SLC22A25: variants seen among roughly 807,000 people sequenced by gnomAD.
SLC22A25 encodes the protein MGI:2442751, MGI:2385316, MGI:3042283, MGI:3645714, MGI:3605624, MGI:2442750.
A neutral mutation model predicts 45.9 loss-of-function variants in SLC22A25; 44 were observed. The observed-to-expected ratio is 0.96, with a 90% CI of 0.75 to 1.23. SLC22A25 has a LOEUF of 1.23. Among genes scored for constraint, SLC22A25 ranks in the 50% most tolerant of loss-of-function variants. The probability of loss-of-function intolerance (pLI) is 0.00; values close to 1 mark genes in which losing one functional copy is unlikely to be tolerated. For synonymous variants in SLC22A25, 283 were observed against 238.6 expected, an observed-to-expected ratio of 1.19 and a Z score of -1.72; for missense variants, 800 against 666.4, an observed-to-expected ratio of 1.20 and a Z score of -2.21.
intron 7 of SLC22A25, among the ~76,000 whole-genome samples, chr11:63,196,737 T>C (rs1351687012): frequency 3.3e-5 from 5 of 152,102 alleles, no homozygotes; most frequent in Non-Finnish European, 4.4e-5. Flanking sequence ...TTCAACACAG[T>C]GTTGGAAGTT....
At chr11:63,177,857 TATATATA>T (rs2088156737) in intron 9 of SLC22A25, among the ~76,000 whole-genome samples, 1 of 2,568 alleles carries the variant, frequency 3.9e-4, no homozygotes, top group African/African-American at 9.8e-4. Flanking sequence ...ATATAATGTA[TATATATA>T]ATATATATAA....
chr11:63,219,940 G>T (rs115563515), intron 5 of SLC22A25: 9 of 1,289,240 alleles, frequency 7.0e-6, no homozygotes, highest in Admixed American at 2.3e-5. Context: ...ACCAGAAGAC[G>T]TGATGCTGGT....
At position 63,191,882 on chromosome 11, in the gene SLC22A25, C is replaced by T. The variant is rs149862183; in HGVS notation, c.831-8065G>A. Among the ~76,000 whole-genome samples, 9 of 152,266 alleles carry T rather than the reference C, an allele frequency of 5.9e-5. No homozygotes were observed. In the East Asian group the frequency reaches 1.5e-3, roughly 26 times the overall value. On this transcript the variant is annotated intron_variant, in intron 7 of 11. Transcript: ENST00000306494. ...CTGAAAGGGATTGGAAGAATGGAAC[C>T]AACTTGGAGATCACATTTCAGGATA...
At chr11:63,228,668 A>C in intron 4 of SLC22A25, 104 bp from the exon 5 acceptor site, 1 of 815,280 alleles carries the variant, frequency 1.2e-6, no homozygotes, top group East Asian at 2.6e-5. Flanking sequence ...CTTCCTCCCT[A>C]GCTTCCCTTT....
rs1307776169 is a variant in SLC22A25, at chr11:63,162,922, T to C, written c.*902A>G. On this transcript the variant is annotated 3_prime_UTR_variant, in exon 12 of 12. Coordinates refer to ENST00000306494, the MANE Select transcript of SLC22A25 (RefSeq NM_199352.6). ...GGAATTCCTTAAAATTGTGTCACTT[T>C]GCTGCAGGTATCTTCCTGCCCTGCT... 6.6e-6 allele frequency among the ~76,000 whole-genome samples: 1 copy of C among 152,214 alleles called. No individual in the cohort carries two copies. The highest frequency in any genetic ancestry group is 1.5e-5 in the Non-Finnish European group (1 of 68,042).
intron 9 of SLC22A25, among the ~76,000 whole-genome samples, chr11:63,174,430 A>G (rs941879400): frequency 6.6e-6 from 1 of 152,024 alleles, no homozygotes; most frequent in Non-Finnish European, 1.5e-5. Context: ...AGTCTAAGCT[A>G]TTTTCCTGTG....
chr11:63,186,610 GT>G (rs1476622603), intron 7 of SLC22A25, among the ~76,000 whole-genome samples: 3 of 152,068 alleles, frequency 2.0e-5, no homozygotes, highest in Non-Finnish European at 4.4e-5. Flanking sequence ...TAGACATGAA[GT>G]CCTTGCCCAT....
At chr11:63,234,918 A>C (rs147323499) in intron 3 of SLC22A25, among the ~76,000 whole-genome samples, 4,114 of 152,250 alleles carry the variant, frequency 0.027, 193 homozygotes, top group African/African-American at 0.094. Context: ...GCTGGATATG[A>C]AATTCTGGGT....
At chr11:63,191,478 G>A (rs1344045217) in intron 7 of SLC22A25, among the ~76,000 whole-genome samples, 1 of 152,164 alleles carries the variant, frequency 6.6e-6, no homozygotes, top group Non-Finnish European at 1.5e-5. Context: ...GGAATTCCCT[G>A]ATGCCTTGTG....
At chr11:63,237,335 G>T (rs193285367) in intron 3 of SLC22A25, among the ~76,000 whole-genome samples, 1 of 152,236 alleles carries the variant, frequency 6.6e-6, no homozygotes, top group East Asian at 1.9e-4. Context: ...AAAAAGAGAC[G>T]AGACCTTTAA....
rs141596227 is a variant in SLC22A25, at chr11:63,230,810, C to G, written c.-444-714G>C. Among the ~76,000 whole-genome samples, 913 of 152,226 alleles carry G rather than the reference C, an allele frequency of 6.0e-3. 12 individuals carry two copies. The highest frequency in any genetic ancestry group is 0.02 in the African/African-American group (836 of 41,516). ...TGCTATCCCTCCCCCATCCCCTAAC[C>G]CCAAGACAGGCCCCGGTGCATGATG... On this transcript the variant is annotated intron_variant, in intron 3 of 11. Transcript: ENST00000306494.
intron 7 of SLC22A25, among the ~76,000 whole-genome samples, chr11:63,191,100 GGA>G (rs1201660562): frequency 6.6e-6 from 1 of 151,988 alleles, no homozygotes. Context: ...TTAAGTCTGC[GGA>G]GTTTTCTGCT....
chr11:63,242,301 C>T (rs368990188), intron 1 of SLC22A25, among the ~76,000 whole-genome samples: 27 of 152,284 alleles, frequency 1.8e-4, no homozygotes, highest in African/African-American at 5.8e-4. Context: ...AACCCAGAGA[C>T]CAGATGTCAG....
At chr11:63,221,086 G>A (rs1297500848) in intron 5 of SLC22A25, among the ~76,000 whole-genome samples, 2 of 152,112 alleles carry the variant, frequency 1.3e-5, no homozygotes, top group African/African-American at 4.8e-5. Context: ...CAATAAACAT[G>A]GAGAGCAGAT....
chr11:63,217,421 A>G lies in SLC22A25; in HGVS notation c.723T>C (p.Ala241=). 6.2e-7 allele frequency: 1 copy of G among 1,614,114 alleles called. No homozygotes were observed. The highest frequency in any genetic ancestry group is 1.1e-5 in the South Asian group (1 of 91,086). The change falls in exon 7 of 12, where the codon GCT becomes GCC. Residue 241 remains alanine, a synonymous_variant. Transcript: ENST00000306494. ...TTCCCAGGGTTATATGTCCAATACT[A>G]GCAGCACAAAGTGTCAATGTCAATG... The part of the protein sequence containing the change: ...AMALTLTLCA[A]SIGHITLGSL...
In SLC22A25 at chr11:63,175,231, A is replaced by G. The variant is rs140423437; in HGVS notation, c.1070+5429T>C. On this transcript the variant is annotated intron_variant, in intron 9 of 11. Transcript: ENST00000306494. ...TTTACATTTTCACTAACAGTGTACA[A>G]TGGTTCCAATTTTTCCACATTCTTG... Among the ~76,000 whole-genome samples, 577 of 152,232 alleles carry G rather than the reference A, an allele frequency of 3.8e-3. 1 individual carries two copies. Among genetic ancestry groups the G allele is most frequent in the Non-Finnish European group, 4.1e-3 (278 of 67,988 alleles).
intron 1 of SLC22A25, among the ~76,000 whole-genome samples, chr11:63,242,485 G>A (rs531402374): frequency 3.3e-4 from 50 of 152,216 alleles, no homozygotes; most frequent in Middle Eastern, 3.4e-3. Context: ...GTTTAATATC[G>A]TTGCTTCCTT....
Position 63,163,346 on chromosome 11 carries a change from T to A in SLC22A25, c.*478A>T, listed in dbSNP as rs2087569006. ...AACGCTTTTTTTCCCCCGTGAAAATTAGATAGACTGAATCTCACATGTGAT... is the reference window on the plus strand; with the variant it reads ...AACGCTTTTTTTCCCCCGTGAAAATAAGATAGACTGAATCTCACATGTGAT... On this transcript the variant is annotated 3_prime_UTR_variant, in exon 12 of 12. Coordinates refer to ENST00000306494, the MANE Select transcript of SLC22A25 (RefSeq NM_199352.6). Among the ~76,000 whole-genome samples, 1 of 152,168 alleles carries A rather than the reference T, an allele frequency of 6.6e-6. No homozygotes were observed. The highest frequency in any genetic ancestry group is 1.5e-5 in the Non-Finnish European group (1 of 68,028).
intron 5 of SLC22A25, among the ~76,000 whole-genome samples, chr11:63,227,798 A>C (rs957955945): frequency 2.0e-5 from 3 of 152,230 alleles, no homozygotes; most frequent in African/African-American, 7.2e-5. Context: ...CTGTGATGGC[A>C]AGGCTTACCA....
Sources: allele counts gnomAD v4.1 joint callset (sites outside exome capture counted in the v4.1 genomes callset), GRCh38; gene constraint gnomAD v4.1.1; transcripts MANE v1.5; gene names NCBI Gene and HGNC (gene_info 2026-07-23, HGNC 2026-07-21).